PCDH15: variants seen among roughly 807,000 people sequenced by gnomAD.
PCDH15 encodes the protein protocadherin-15.
In PCDH15, 129 loss-of-function variants were observed where a neutral mutation model predicts 178.5. The ratio of observed to expected loss-of-function variants is 0.72; its 90% CI spans 0.63 to 0.84. The LOEUF (loss-of-function observed/expected upper bound fraction) is 0.84. PCDH15 is among the 40% of genes least tolerant of loss of function. The pLI is 0.00. For missense variants in PCDH15, 2,230 were observed against 2,099.9 expected (o/e 1.06, Z -1.21); for synonymous variants, 800 against 732.0 (o/e 1.09, Z -1.50).
chr10:54,149,603 T>C (rs1342806066), intron 14 of PCDH15, among the ~76,000 whole-genome samples: 1 of 152,166 alleles, frequency 6.6e-6, no homozygotes, highest in Non-Finnish European at 1.5e-5. Flanking sequence ...GTGTCCTACC[T>C]GTAGTGATAG....
Position 53,804,917 on chromosome 10 carries a change from T to C in PCDH15, c.*1662A>G, listed in dbSNP as rs542043598. The C allele has an allele frequency of 6.6e-6, 1 of 151,728 alleles. No individual in the cohort carries two copies. Among genetic ancestry groups the C allele is most frequent in the African/African-American group, 2.4e-5 (1 of 41,190 alleles). 9.4% of individuals were successfully genotyped at this position (151,728 alleles called of 1,614,324 possible). On this transcript the variant is annotated 3_prime_UTR_variant, in exon 38 of 38. Transcript: ENST00000644397. ...ACGTTTCTAATCTAGCTAATGCCAC[T>C]AGGTTTTTTTTTGTTTGTTTGTTTT...
At chr10:54,179,417 T>C (rs1361270388) in intron 13 of PCDH15, among the ~76,000 whole-genome samples, 1 of 66,534 alleles carries the variant, frequency 1.5e-5, no homozygotes, top group East Asian at 4.9e-4. Flanking sequence ...TGGGGACTGT[T>C]GTGGGGTGGG....
chr10:53,990,445 C>A (rs939961131), intron 21 of PCDH15, among the ~76,000 whole-genome samples: 1 of 150,206 alleles, frequency 6.7e-6, no homozygotes, highest in African/African-American at 2.4e-5. Flanking sequence ...TTTCATAAAT[C>A]AGTATTAAAG....
chr10:54,011,434 C>T (rs984242350), intron 20 of PCDH15, among the ~76,000 whole-genome samples: 2 of 152,186 alleles, frequency 1.3e-5, no homozygotes, highest in African/African-American at 4.8e-5. Context: ...AAGGTCCCTT[C>T]CCTTGTTGTG....
chr10:54,892,087 C>G (rs1954472660), intron 3 of PCDH15, among the ~76,000 whole-genome samples: 1 of 152,074 alleles, frequency 6.6e-6, no homozygotes, highest in African/African-American at 2.4e-5. Context: ...ACATACACCC[C>G]CAGACGCTAC....
At chr10:54,185,400 G>A (rs2048398569) in intron 11 of PCDH15, 132 bp from the exon 12 acceptor site, 3 of 1,003,138 alleles carry the variant, frequency 3.0e-6, no homozygotes, top group Admixed American at 2.1e-5. Context: ...AACGATAAAA[G>A]ATATTTAACT....
At chr10:55,582,628 A>ATT (rs1554800566) in intron 2 of PCDH15, among the ~76,000 whole-genome samples, 2,353 of 68,798 alleles carry the variant, frequency 0.034, 76 homozygotes, top group Middle Eastern at 0.067. Context: ...ATATATATAT[A>ATT]TTTTTTTTTT....
Position 53,939,101 on chromosome 10 carries a change from TG to T in PCDH15, c.3233-147del, listed in dbSNP as rs142204594. 3.4e-3 allele frequency: 2,579 copies of T among 752,404 alleles called. 55 individuals are homozygous for T. The African/African-American group carries it at 0.04, about 12-fold the overall frequency. The allele number at this position is 752,404 out of a possible 1,614,324, so 46.6% of individuals were successfully genotyped here. ...ATGAAAGTGACAAAATGCTGGCTTT[TG>T]GAAACTGTTCCAGCTCTTTGAATGA... On this transcript the variant is annotated intron_variant, in intron 24 of 37. Transcript: ENST00000644397.
At chr10:54,505,954 A>T (rs935706508) in intron 3 of PCDH15, among the ~76,000 whole-genome samples, 1 of 152,130 alleles carries the variant, frequency 6.6e-6, no homozygotes, top group African/African-American at 2.4e-5. Context: ...ATTTAACATG[A>T]TCATTGTTTA....
Position 53,818,020 on chromosome 10 carries a change from G to C in PCDH15, c.4434-7C>G. The C allele has an allele frequency of 2.5e-6, 1 of 398,536 alleles. No homozygotes were observed. The highest frequency in any genetic ancestry group is 4.4e-6 in the Non-Finnish European group (1 of 225,844). The allele number at this position is 398,536 out of a possible 1,614,324, so 24.7% of individuals were successfully genotyped here. On this transcript the variant is annotated splice_polypyrimidine_tract_variant and splice_region_variant and intron_variant, in intron 33 of 37. Coordinates refer to ENST00000644397, the MANE Select transcript of PCDH15 (RefSeq NM_001384140.1). ...CTCTGATCCATAACCTCTCCTGCAA[G>C]GCAGAAATAAATAAATCAGTATTAA...
At chr10:54,734,071 A>G (rs951611270) in intron 1 of PCDH15, among the ~76,000 whole-genome samples, 3 of 150,596 alleles carry the variant, frequency 2.0e-5, no homozygotes, top group African/African-American at 7.3e-5. Flanking sequence ...AACATTATTA[A>G]TTGGACTTTA....
rs1215473386 is a variant in PCDH15 at position 54,168,615 on chromosome 10, G to A, written c.1590+14829C>T. 3.3e-5 allele frequency among the ~76,000 whole-genome samples: 5 copies of A among 152,280 alleles called. No individual in the cohort carries two copies. The East Asian group carries it at 7.7e-4, about 24-fold the overall frequency. ...AAAGGTGGCTGGAGCCAAAGGCATA[G>A]TCAAGGTTAATGCTCCTTTTTCTTT... On this transcript the variant is annotated intron_variant, in intron 13 of 37. Coordinates refer to ENST00000644397, the MANE Select transcript of PCDH15 (RefSeq NM_001384140.1).
At chr10:54,617,370 T>C (rs2093199971) in intron 2 of PCDH15, among the ~76,000 whole-genome samples, 1 of 152,156 alleles carries the variant, frequency 6.6e-6, no homozygotes, top group Non-Finnish European at 1.5e-5. Flanking sequence ...GTGAATCTGC[T>C]TTTGAATAAT....
rs1554800566 is a variant in PCDH15 at position 55,582,628 on chromosome 10, A to ATTTTT, written c.-156+44992_-156+44996dup. ...TATATATATATATATATATATATAT[A>ATTTTT]TTTTTTTTTTTTTGCTATATTTGAT... On this transcript the variant is annotated intron_variant, in intron 2 of 5. Transcript: ENST00000613346. Among the ~76,000 whole-genome samples, 37 of 69,030 alleles carry ATTTTT rather than the reference A, an allele frequency of 5.4e-4. No homozygotes were observed. The East Asian group carries it at 7.8e-3, about 15-fold the overall frequency. 45.3% of individuals were successfully genotyped at this position (69,030 alleles called of 152,430 possible).
chr10:54,816,248 C>T (rs997367356), intron 3 of PCDH15, among the ~76,000 whole-genome samples: 1 of 151,996 alleles, frequency 6.6e-6, no homozygotes, highest in Non-Finnish European at 1.5e-5. Context: ...TAAATGGATG[C>T]AAGAGCCAGG....
At chr10:53,969,380 G>A (rs10740561) in intron 21 of PCDH15, among the ~76,000 whole-genome samples, 107,211 of 152,118 alleles carry the variant, frequency 0.7, 38,183 homozygotes, top group East Asian at 0.87. Context: ...ATCTACATCT[G>A]ATTAGTGTAC....
chr10:54,958,237 C>CCTTT (rs1554818264), intron 2 of PCDH15, among the ~76,000 whole-genome samples: 18 of 130,182 alleles, frequency 1.4e-4, no homozygotes, highest in African/African-American at 4.3e-4. Context: ...AAATTTGTCT[C>CCTTT]TTTTTTTTCT....
At chr10:53,888,318 G>GTATATGTATGTATGTACATATATA (rs1238264864) in intron 26 of PCDH15, among the ~76,000 whole-genome samples, 1 of 91,824 alleles carries the variant, frequency 1.1e-5, no homozygotes. Context: ...ATGTATATAT[G>GTATATGTATGTATGTACATATATA]TACGTATATA....
chr10:54,864,037 T>TA (rs2131784592), intron 3 of PCDH15, among the ~76,000 whole-genome samples: 2 of 152,314 alleles, frequency 1.3e-5, no homozygotes, highest in African/African-American at 4.8e-5. Context: ...AATCTACAGA[T>TA]AAATTTTCAA....
Sources: gnomAD v4.1 joint callset for allele counts (sites outside exome capture counted in the v4.1 genomes callset) on GRCh38, gnomAD v4.1.1 for gene constraint, MANE v1.5 for transcripts, NCBI Gene and HGNC (gene_info 2026-07-23, HGNC 2026-07-21) for gene names.